SHISA9: variants seen among roughly 807,000 people sequenced by gnomAD.
SHISA9 encodes shisa family member 9.
Under a neutral mutation model 38.0 loss-of-function variants are expected in SHISA9, and 13 were observed. The ratio of observed to expected loss-of-function variants is 0.34; its 90% CI spans 0.22 to 0.54. The LOEUF is 0.54. SHISA9 is among the 20% of genes least tolerant of loss of function. The probability of loss-of-function intolerance (pLI) is 0.91; values close to 1 mark genes in which losing one functional copy is unlikely to be tolerated. For missense variants in SHISA9, 538 were observed against 575.8 expected (o/e 0.93, Z 0.67); for synonymous variants, 275 against 242.0 (o/e 1.14, Z -1.27).
At position 12,991,231 on chromosome 16, in the gene SHISA9, A is replaced by T. The variant is rs146670161; in HGVS notation, c.691+74416A>T. Among the ~76,000 whole-genome samples the T allele has an allele frequency of 3.2e-4, 48 of 152,212 alleles. No individual in the cohort carries two copies. In the East Asian group the frequency reaches 6.4e-3, roughly 20 times the overall value. On this transcript the variant is annotated intron_variant, in intron 2 of 4. Transcript: ENST00000558583. Reference sequence around the variant, plus strand: ...CTGAAGTTGTAAGGGATTTTAATTGATTTCTGGGAAAGTTTTCCCTTTCAG... The same window carrying T: ...CTGAAGTTGTAAGGGATTTTAATTGTTTTCTGGGAAAGTTTTCCCTTTCAG...
At chr16:13,133,047 A>G (rs1181070199) in intron 2 of SHISA9, among the ~76,000 whole-genome samples, 2 of 152,170 alleles carry the variant, frequency 1.3e-5, no homozygotes, top group African/African-American at 4.8e-5. Context: ...CTACTTCTGT[A>G]GCTAAAAAAG....
At chr16:12,931,710 T>A (rs2071463778) in intron 2 of SHISA9, among the ~76,000 whole-genome samples, 1 of 152,214 alleles carries the variant, frequency 6.6e-6, no homozygotes, top group African/African-American at 2.4e-5. Context: ...CTAGGTTGAT[T>A]ACATGTCTTT....
At chr16:13,419,997 G>A in the SHISA9 span, among the ~76,000 whole-genome samples, 7 of 152,228 alleles carry the variant, frequency 4.6e-5, no homozygotes, top group African/African-American at 1.7e-4. Context: ...TATAATCCCA[G>A]CACTTTGGGA....
chr16:13,358,437 G>A, the SHISA9 span, among the ~76,000 whole-genome samples: 402 of 152,118 alleles, frequency 2.6e-3, 1 homozygote, highest in African/African-American at 9.1e-3. Flanking sequence ...CTGTGTCCAC[G>A]TGTTCTCTCT....
intron 2 of SHISA9, among the ~76,000 whole-genome samples, chr16:13,019,907 C>T (rs1596589662): frequency 1.7e-5 from 1 of 58,186 alleles, no homozygotes; most frequent in African/African-American, 5.5e-5. Flanking sequence ...TTCTTTCTTT[C>T]TTTCTTTCTT....
At chr16:13,507,044 A>G in the SHISA9 span, among the ~76,000 whole-genome samples, 1 of 152,002 alleles carries the variant, frequency 6.6e-6, no homozygotes, top group East Asian at 1.9e-4. Flanking sequence ...TCCTGTCTCA[A>G]AACAACAACA....
chr16:13,023,141 G>C (rs547203944), intron 2 of SHISA9, among the ~76,000 whole-genome samples: 2 of 152,060 alleles, frequency 1.3e-5, no homozygotes, highest in Non-Finnish European at 2.9e-5. Context: ...TTTACATTAG[G>C]TATTTCTCCT....
chr16:13,054,462 G>A (rs1210283652), intron 2 of SHISA9, among the ~76,000 whole-genome samples: 1 of 152,126 alleles, frequency 6.6e-6, no homozygotes, highest in African/African-American at 2.4e-5. Context: ...ATATTTCTAG[G>A]AACCAAGAAG....
At chr16:13,025,951 ATG>A (rs1462100931) in intron 2 of SHISA9, among the ~76,000 whole-genome samples, 1 of 151,916 alleles carries the variant, frequency 6.6e-6, no homozygotes, top group African/African-American at 2.4e-5. Context: ...GATTACAGGC[ATG>A]CACCACCATG....
chr16:13,128,783 G>C (rs576025025), intron 2 of SHISA9, among the ~76,000 whole-genome samples: 80 of 152,262 alleles, frequency 5.3e-4, no homozygotes, highest in Admixed American at 9.2e-4. Flanking sequence ...AGCACTTTTG[G>C]TTCTCCTCAT....
chr16:13,167,650 T>G (rs1025744752), intron 2 of SHISA9, among the ~76,000 whole-genome samples: 1 of 152,112 alleles, frequency 6.6e-6, no homozygotes, highest in African/African-American at 2.4e-5. Context: ...GATCTGGTTG[T>G]TTAAAAGCAT....
the SHISA9 span, among the ~76,000 whole-genome samples, chr16:13,338,104 G>C: frequency 6.6e-6 from 1 of 152,162 alleles, no homozygotes; most frequent in Non-Finnish European, 1.5e-5. Context: ...GATAAGATGT[G>C]AGGCTACCAG....
chr16:13,306,141 T>G, the SHISA9 span, among the ~76,000 whole-genome samples: 2 of 152,224 alleles, frequency 1.3e-5, no homozygotes, highest in African/African-American at 4.8e-5. Flanking sequence ...CTATGTTTTT[T>G]GAATGAATGA....
intron 2 of SHISA9, among the ~76,000 whole-genome samples, chr16:12,935,557 G>C (rs984606814): frequency 1.3e-5 from 2 of 152,112 alleles, no homozygotes; most frequent in Non-Finnish European, 2.9e-5. Context: ...CGAATAATTA[G>C]AAGGGACAGG....
At chr16:13,268,306 T>C in the SHISA9 span, among the ~76,000 whole-genome samples, 1 of 152,108 alleles carries the variant, frequency 6.6e-6, no homozygotes, top group Non-Finnish European at 1.5e-5. Flanking sequence ...GGTCAGGAGT[T>C]TGACACCAGC....
chr16:13,497,506 A>G, the SHISA9 span, among the ~76,000 whole-genome samples: 2 of 152,034 alleles, frequency 1.3e-5, no homozygotes, highest in East Asian at 3.9e-4. Flanking sequence ...CAGCATGGTG[A>G]AACCCCATCT....
chr16:13,520,749 T>A, the SHISA9 span, among the ~76,000 whole-genome samples: 37 of 152,034 alleles, frequency 2.4e-4, no homozygotes, highest in Non-Finnish European at 2.2e-4. Context: ...TGCGTCCTGC[T>A]GGACTGAAGT....
chr16:13,222,779 GGT>G lies in SHISA9; in HGVS notation c.895+9488_895+9489del, dbSNP rs55972837. On this transcript the variant is annotated intron_variant, in intron 4 of 4. Transcript: ENST00000558583. ...TTTACTTCTACACTGCACTCCACAA[GGT>G]GTGTGTGTATGTATATATATATATA... is the stretch of plus-strand genomic sequence containing the variant. 2.7e-3 allele frequency among the ~76,000 whole-genome samples: 401 copies of G among 148,428 alleles called. 5 individuals carry two copies. Among genetic ancestry groups the G allele is most frequent in the African/African-American group, 9.4e-3 (372 of 39,450 alleles).
chr16:12,971,108 G>A (rs925365449), intron 2 of SHISA9, among the ~76,000 whole-genome samples: 15 of 152,190 alleles, frequency 9.9e-5, no homozygotes, highest in Admixed American at 9.8e-4. Flanking sequence ...GCTAGGCATT[G>A]CTAAGTCTCT....
Sources: gnomAD v4.1 joint callset for allele counts (sites outside exome capture counted in the v4.1 genomes callset) on GRCh38, gnomAD v4.1.1 for gene constraint, MANE v1.5 for transcripts, NCBI Gene and HGNC (gene_info 2026-07-23, HGNC 2026-07-21) for gene names.